The following OVCH1 variants were observed in gnomAD, a reference collection of about 807,000 sequenced individuals.
OVCH1 encodes ovochymase 1, also known as ovochymase-1.
In OVCH1, 139 loss-of-function variants were observed where a neutral mutation model predicts 138.4. The observed-to-expected ratio is 1.00, with a 90% confidence interval of 0.87 to 1.16. The LOEUF is 1.16. Ranked by LOEUF, OVCH1 falls within the 50% of genes most tolerant of loss-of-function variation. OVCH1 has a pLI of 0.00. For synonymous variants in OVCH1, 453 were observed against 467.8 expected, an observed-to-expected ratio of 0.97 and a Z score of 0.41; for missense variants, 1,367 against 1,357.9, an observed-to-expected ratio of 1.01 and a Z score of -0.11.
At chr12:29,410,636 G>GC (rs1411842180), downstream of OVCH1, among the ~76,000 whole-genome samples, 2 of 145,804 alleles carry the variant, frequency 1.4e-5, no homozygotes, top group African/African-American at 4.9e-5. Flanking sequence ...TTGAATATTG[G>GC]CCCCCACTCT....
intron 18 of OVCH1, 45 bp from the exon 19 acceptor site, chr12:29,462,053 G>C (rs757060865): frequency 8.2e-6 from 13 of 1,581,414 alleles, no homozygotes; most frequent in African/African-American, 1.3e-5. Flanking sequence ...GAAGTAAGCA[G>C]AAAGTGTTGT....
downstream of OVCH1, among the ~76,000 whole-genome samples, chr12:29,411,644 G>C (rs1210258995): frequency 6.6e-6 from 1 of 152,144 alleles, no homozygotes; most frequent in Non-Finnish European, 1.5e-5. Context: ...AAATTCTGCT[G>C]TCTGATCGTT....
At chr12:29,406,976 T>C in the OVCH1 span, among the ~76,000 whole-genome samples, 45 of 149,306 alleles carry the variant, frequency 3.0e-4, no homozygotes, top group African/African-American at 1.1e-3. Flanking sequence ...TGTTGTTTCC[T>C]GACTTTTTAA....
At chr12:29,486,794 A>G (rs1565610371) in intron 7 of OVCH1, 1 of 394,688 alleles carries the variant, frequency 2.5e-6, no homozygotes, top group Non-Finnish European at 5.1e-6. Context: ...GAAATGAACC[A>G]TTAATGTCTG....
chr12:29,494,527 G>A (rs1943358658), intron 4 of OVCH1, among the ~76,000 whole-genome samples: 1 of 152,126 alleles, frequency 6.6e-6, no homozygotes, highest in Admixed American at 6.6e-5. Context: ...GCCCAGCCAA[G>A]ACACAGGAGT....
At chr12:29,430,770 T>TA in intron 27 of OVCH1, 1 of 325,448 alleles carries the variant, frequency 3.1e-6, no homozygotes, top group Non-Finnish European at 6.2e-6. Context: ...GCTTTCCTTC[T>TA]ATTCCTGCCT....
downstream of OVCH1, chr12:29,423,358 A>AAC (rs747424573): frequency 1.3e-3 from 580 of 440,482 alleles, no homozygotes; most frequent in Middle Eastern, 2.8e-3. Context: ...ACATAACTGA[A>AAC]AGAGGACAAA....
chr12:29,444,039 G>T, intron 24 of OVCH1, 106 bp downstream of exon 24: 1 of 1,299,904 alleles, frequency 7.7e-7, no homozygotes, highest in Non-Finnish European at 1.0e-6. Flanking sequence ...TATTCTTTTT[G>T]GAAAAAAGGT....
chr12:29,414,102 C>T (rs929397404), intron 3 of OVCH1, among the ~76,000 whole-genome samples: 9 of 150,516 alleles, frequency 6.0e-5, no homozygotes, highest in Non-Finnish European at 1.3e-4. Context: ...TGACTGCAAC[C>T]TCTACCTCCA....
intron 22 of OVCH1, among the ~76,000 whole-genome samples, chr12:29,449,742 C>T (rs1029141111): frequency 2.6e-5 from 4 of 152,146 alleles, no homozygotes; most frequent in Non-Finnish European, 5.9e-5. Context: ...CTGGAGGCAT[C>T]ACACTACCTG....
At chr12:29,470,181 A>T (rs1942455066) in intron 16 of OVCH1, among the ~76,000 whole-genome samples, 1 of 152,326 alleles carries the variant, frequency 6.6e-6, no homozygotes, top group Non-Finnish European at 1.5e-5. Flanking sequence ...TGGTATGAAT[A>T]TAGCATTTAA....
chr12:29,473,654 T>G (rs1942592736), intron 14 of OVCH1, among the ~76,000 whole-genome samples: 1 of 152,146 alleles, frequency 6.6e-6, no homozygotes, highest in Non-Finnish European at 1.5e-5. Flanking sequence ...ACCACTCACC[T>G]CGCCATTCAA....
At chr12:29,477,274 C>G in intron 11 of OVCH1, 42 bp from the exon 12 acceptor site, 1 of 1,612,972 alleles carries the variant, frequency 6.2e-7, no homozygotes, top group Non-Finnish European at 8.5e-7. Flanking sequence ...TGGCCAAAGA[C>G]ATTTTCTCCT....
At chr12:29,472,933 A>C (rs1230187617) in intron 15 of OVCH1, 96 bp downstream of exon 15, 4 of 1,015,896 alleles carry the variant, frequency 3.9e-6, no homozygotes, top group Non-Finnish European at 5.8e-6. Context: ...TTCACTGTGG[A>C]GTTATAGCCA....
chr12:29,486,379 C>G, intron 7 of OVCH1, 31 bp from the exon 8 acceptor site: 1 of 1,454,076 alleles, frequency 6.9e-7, no homozygotes, highest in Non-Finnish European at 9.5e-7. Context: ...TAGTGCCTTT[C>G]CCAATAATAA....
At chr12:29,478,774 C>T in intron 9 of OVCH1, 61 bp downstream of exon 10, 2 of 1,192,552 alleles carry the variant, frequency 1.7e-6, no homozygotes, top group Non-Finnish European at 2.3e-6. Context: ...GATCCTTTAG[C>T]ATCTCTTTGG....
chr12:29,479,341 C>T (rs1253281139), intron 8 of OVCH1, among the ~76,000 whole-genome samples: 2 of 152,314 alleles, frequency 1.3e-5, no homozygotes, highest in East Asian at 1.9e-4. Context: ...ATGGACCATA[C>T]AGCGTATGCT....
intron 7 of OVCH1, 128 bp downstream of exon 7, chr12:29,487,565 A>T: frequency 1.1e-6 from 1 of 893,300 alleles, no homozygotes; most frequent in Non-Finnish European, 1.7e-6. Flanking sequence ...AAGTATCTAC[A>T]CTGGACTAAG....
Position 29,491,194 on chromosome 12 carries a change from T to C in OVCH1, c.455-2A>G, listed in dbSNP as rs373548428. 1 of 1,612,086 alleles carries C rather than the reference T, an allele frequency of 6.2e-7. No individual in the cohort carries two copies. Among genetic ancestry groups the C allele is most frequent in the Non-Finnish European group, 8.5e-7 (1 of 1,178,504 alleles). On this transcript the variant is annotated splice_acceptor_variant, in intron 4 of 27. Coordinates refer to ENST00000318184, the Ensembl canonical transcript of OVCH1. LOFTEE classifies it high-confidence loss of function. The stretch of plus-strand genomic sequence containing the variant: ...GACAGATTGGCTGAACAGCATTTCC[T>C]GAGAAAACAACAAAGGCATGAGGTT...
Sources: gnomAD v4.1 joint callset for allele counts (sites outside exome capture counted in the v4.1 genomes callset) on GRCh38, gnomAD v4.1.1 for gene constraint, MANE v1.5 for transcripts, NCBI Gene and HGNC (gene_info 2026-07-23, HGNC 2026-07-21) for gene names.